Variants in ANKFN1 observed in about 807,000 individuals in gnomAD.
The protein encoded by ANKFN1 is ankyrin repeat and fibronectin type III domain containing 1.
Under a neutral mutation model 108.7 loss-of-function variants are expected in ANKFN1, and 74 were observed. That is an observed-to-expected ratio of 0.68 (90% CI 0.56 to 0.83). ANKFN1 has a LOEUF of 0.83. Ranked by LOEUF, ANKFN1 falls within the 40% of genes least tolerant of loss-of-function variation. The pLI is 0.00. For missense variants in ANKFN1, 1,505 were observed against 1,382.3 expected (o/e 1.09, Z -1.41); for synonymous variants, 547 against 516.2 (o/e 1.06, Z -0.81).
At chr17:56,509,367 T>G (rs2051671050) in intron 20 of ANKFN1, among the ~76,000 whole-genome samples, 1 of 152,220 alleles carries the variant, frequency 6.6e-6, no homozygotes, top group Admixed American at 6.5e-5. Context: ...ATGTGGCTTC[T>G]ATCTCCAAGG....
chr17:56,127,395 C>T (rs1452385764), intron 4 of ANKFN1, among the ~76,000 whole-genome samples: 1 of 152,138 alleles, frequency 6.6e-6, no homozygotes, highest in South Asian at 2.1e-4. Context: ...CTCACTGCAA[C>T]CTCCACCTCC....
chr17:56,132,447 A>T (rs1166306035), intron 4 of ANKFN1, among the ~76,000 whole-genome samples: 1 of 152,114 alleles, frequency 6.6e-6, no homozygotes, highest in Non-Finnish European at 1.5e-5. Context: ...AGTATATTTC[A>T]TAAGAGATTC....
chr17:56,060,051 C>T (rs1207410323), intron 4 of ANKFN1, among the ~76,000 whole-genome samples: 1 of 143,256 alleles, frequency 7.0e-6, no homozygotes, highest in Admixed American at 7.1e-5. Flanking sequence ...ATTGATTCTT[C>T]CTATCCATGA....
At chr17:56,264,928 C>T (rs2043610117) in intron 3 of ANKFN1, among the ~76,000 whole-genome samples, 1 of 152,088 alleles carries the variant, frequency 6.6e-6, no homozygotes. Flanking sequence ...CATTACCCTT[C>T]CCCAGCCCTC....
chr17:56,511,549 G>C lies in ANKFN1; in HGVS notation c.*280G>C. ...GACTCAAACATGCCACCCTGTTGGT[G>C]GCACCTATGACTGAAGCTGGCCATC... On this transcript the variant is annotated 3_prime_UTR_variant, in exon 21 of 21. Transcript: ENST00000682825. The C allele has an allele frequency of 2.7e-6, 1 of 363,794 alleles. No homozygotes were observed. The highest frequency in any genetic ancestry group is 4.8e-5 in the East Asian group (1 of 20,682). The allele number at this position is 363,794 out of a possible 1,614,324, so 22.5% of individuals were successfully genotyped here.
At chr17:56,491,763 C>G (rs1307970666) in intron 18 of ANKFN1, among the ~76,000 whole-genome samples, 1 of 152,080 alleles carries the variant, frequency 6.6e-6, no homozygotes, top group Non-Finnish European at 1.5e-5. Flanking sequence ...AAGGAGTAGG[C>G]AAGATATGTA....
chr17:56,127,494 A>G (rs1056800805), intron 4 of ANKFN1, among the ~76,000 whole-genome samples: 2 of 152,024 alleles, frequency 1.3e-5, no homozygotes, highest in African/African-American at 2.4e-5. Context: ...TTGCGTTTTT[A>G]GTAGAGACGG....
intron 4 of ANKFN1, among the ~76,000 whole-genome samples, chr17:56,123,868 T>C (rs986259323): frequency 7.2e-6 from 1 of 139,082 alleles, no homozygotes; most frequent in Non-Finnish European, 1.6e-5. Flanking sequence ...AGAGAGAGAC[T>C]GTGCAAGTCA....
At chr17:56,262,051 A>G (rs75547676) in intron 3 of ANKFN1, among the ~76,000 whole-genome samples, 2,552 of 152,304 alleles carry the variant, frequency 0.017, 77 homozygotes, top group African/African-American at 0.059. Context: ...TTTCCAGACC[A>G]GCTCCAGTGG....
chr17:56,316,010 C>G (rs143068827), intron 3 of ANKFN1, among the ~76,000 whole-genome samples: 26 of 152,314 alleles, frequency 1.7e-4, no homozygotes, highest in Admixed American at 1.7e-3. Context: ...TTAAATGCCT[C>G]TTTGCTGCTA....
intron 4 of ANKFN1, among the ~76,000 whole-genome samples, chr17:56,097,673 C>T (rs920135528): frequency 2.0e-5 from 3 of 152,200 alleles, no homozygotes; most frequent in African/African-American, 7.2e-5. Context: ...AACCTTCCAG[C>T]GAGTTCTGTG....
chr17:56,242,277 A>G lies in ANKFN1; in HGVS notation c.53+14320A>G, dbSNP rs537691167. Among the ~76,000 whole-genome samples, 4 of 152,266 alleles carry G rather than the reference A, an allele frequency of 2.6e-5. No individual in the cohort carries two copies. In the South Asian group the frequency reaches 8.3e-4, roughly 32 times the overall value. On this transcript the variant is annotated intron_variant, in intron 3 of 20. Transcript: ENST00000682825. Reference sequence around the variant, plus strand: ...TCTATAAGAATTTTGATGAAATTATATAGAATTTATATTCAGGAGAATTGG... The same window carrying G: ...TCTATAAGAATTTTGATGAAATTATGTAGAATTTATATTCAGGAGAATTGG...
chr17:56,133,528 C>CTGTGTGTGTG (rs10598270), intron 4 of ANKFN1, among the ~76,000 whole-genome samples: 1 of 146,330 alleles, frequency 6.8e-6, no homozygotes, highest in Non-Finnish European at 1.5e-5. Flanking sequence ...ATGTGTATAC[C>CTGTGTGTGTG]TGTGTGTGTG....
At chr17:56,458,212 A>T (rs1353887711) in intron 14 of ANKFN1, among the ~76,000 whole-genome samples, 3 of 152,116 alleles carry the variant, frequency 2.0e-5, no homozygotes, top group African/African-American at 7.2e-5. Flanking sequence ...TGAACAGTAT[A>T]TAGGAGTAAC....
chr17:56,055,999 T>C (rs1339365963), intron 4 of ANKFN1, among the ~76,000 whole-genome samples: 1 of 152,080 alleles, frequency 6.6e-6, no homozygotes, highest in Non-Finnish European at 1.5e-5. Flanking sequence ...TTTCATGTTT[T>C]TTTTTCTTTT....
Position 56,302,733 on chromosome 17 carries a change from C to T in ANKFN1, c.54-23488C>T, listed in dbSNP as rs190141484. On this transcript the variant is annotated intron_variant, in intron 3 of 20. Coordinates refer to ENST00000682825, the MANE Select transcript of ANKFN1 (RefSeq NM_001370326.1). ...AGAGTATATATTTCTATATTTTCTA[C>T]GCATAGGCTACCAAACCAAGAGACA... Among the ~76,000 whole-genome samples, 395 of 152,234 alleles carry T rather than the reference C, an allele frequency of 2.6e-3. 2 individuals carry two copies. The highest frequency in any genetic ancestry group is 8.9e-3 in the African/African-American group (370 of 41,532).
chr17:56,391,386 G>A (rs2047432656), intron 8 of ANKFN1, among the ~76,000 whole-genome samples: 1 of 146,788 alleles, frequency 6.8e-6, no homozygotes. Flanking sequence ...GTGTGTGTGT[G>A]TGTGTGTGTG....
At chr17:56,340,210 G>A (rs959530796) in intron 4 of ANKFN1, among the ~76,000 whole-genome samples, 3 of 152,008 alleles carry the variant, frequency 2.0e-5, no homozygotes, top group Non-Finnish European at 2.9e-5. Flanking sequence ...ATTAGACCTC[G>A]TCAGATGTAT....
chr17:56,223,776 T>G (rs928097566), intron 2 of ANKFN1, among the ~76,000 whole-genome samples: 19 of 152,322 alleles, frequency 1.2e-4, no homozygotes, highest in African/African-American at 4.6e-4. Flanking sequence ...TTTAATCCAA[T>G]GGATGGTACC....
Sources: gnomAD v4.1 joint callset for allele counts (sites outside exome capture counted in the v4.1 genomes callset) on GRCh38, gnomAD v4.1.1 for gene constraint, MANE v1.5 for transcripts, NCBI Gene and HGNC (gene_info 2026-07-23, HGNC 2026-07-21) for gene names.